Variants in ZDHHC14 observed in about 807,000 individuals in gnomAD.
ZDHHC14 encodes the protein zDHHC palmitoyltransferase 14.
Under a neutral mutation model 47.7 loss-of-function variants are expected in ZDHHC14, and 16 were observed. That is an observed-to-expected ratio of 0.34 (90% confidence interval 0.23 to 0.51). The LOEUF is 0.51. Among genes scored for constraint, ZDHHC14 ranks in the 20% least tolerant of loss-of-function variants. ZDHHC14 has a pLI of 0.97. For synonymous variants in ZDHHC14, 293 were observed against 278.9 expected (o/e 1.05, Z -0.50); for missense variants, 515 against 662.5 (o/e 0.78, Z 2.44).
At chr6:157,542,222 G>T (rs1781792280) in intron 1 of ZDHHC14, among the ~76,000 whole-genome samples, 1 of 152,152 alleles carries the variant, frequency 6.6e-6, no homozygotes, top group Non-Finnish European at 1.5e-5. Flanking sequence ...AGGGCAGGGG[G>T]ATCTCATAGA....
chr6:157,426,439 A>G (rs978325751), intron 1 of ZDHHC14, among the ~76,000 whole-genome samples: 3 of 152,220 alleles, frequency 2.0e-5, no homozygotes, highest in African/African-American at 2.4e-5. Flanking sequence ...ATGCCGCATT[A>G]GGGTCTTAGG....
intron 8 of ZDHHC14, among the ~76,000 whole-genome samples, chr6:157,671,942 C>T (rs57416016): frequency 0.029 from 4,380 of 152,300 alleles, 215 homozygotes; most frequent in African/African-American, 0.099. Flanking sequence ...ACCACTACCA[C>T]CCATCTCCAG....
chr6:157,669,446 CAGAG>C (rs913727820), intron 8 of ZDHHC14, among the ~76,000 whole-genome samples: 1 of 152,130 alleles, frequency 6.6e-6, no homozygotes, highest in Non-Finnish European at 1.5e-5. Flanking sequence ...GTGAAAGAGA[CAGAG>C]AGGGTTGGAA....
rs112522943 is a variant in ZDHHC14 at position 157,553,289 on chromosome 6, C to T, written c.406+10544C>T. 5.4e-3 allele frequency among the ~76,000 whole-genome samples: 823 copies of T among 152,224 alleles called. 11 individuals carry two copies. Among genetic ancestry groups the T allele is most frequent in the African/African-American group, 0.019 (791 of 41,516 alleles). On this transcript the variant is annotated intron_variant, in intron 2 of 8. Coordinates refer to ENST00000359775, the MANE Select transcript of ZDHHC14 (RefSeq NM_024630.3). ...TTGAGGGTGAGGGTTCTGGCTAACT[C>T]GACTCAGCAGGACTTTTGCTAAAAT...
intron 7 of ZDHHC14, among the ~76,000 whole-genome samples, chr6:157,650,975 A>T (rs73584095): frequency 0.15 from 22,907 of 152,040 alleles, 1,878 homozygotes; most frequent in Admixed American, 0.22. Context: ...AGGACCCCCC[A>T]TTGCAGTTCC....
At position 157,502,910 on chromosome 6, in the gene ZDHHC14, C is replaced by T. The variant is rs781668935; in HGVS notation, c.246-39675C>T. ...TTTACCATGTTGCCCAGGCTGGTCT[C>T]GAACTCCTGTCCTCAAGTGATCAAC... On this transcript the variant is annotated intron_variant, in intron 1 of 8. Transcript: ENST00000359775. The surrounding 1 kb of genome is among the most constrained non-coding windows in gnomAD (Gnocchi z 4.0). Among the ~76,000 whole-genome samples the T allele has an allele frequency of 6.6e-6, 1 of 152,096 alleles. No individual in the cohort carries two copies. The highest frequency in any genetic ancestry group is 1.9e-4 in the East Asian group (1 of 5,196).
intron 1 of ZDHHC14, among the ~76,000 whole-genome samples, chr6:157,459,671 C>T (rs552231284): frequency 1.3e-5 from 2 of 152,138 alleles, no homozygotes; most frequent in East Asian, 3.9e-4. Flanking sequence ...GGTGGGGTGG[C>T]CTGTGCGCCC....
intron 1 of ZDHHC14, among the ~76,000 whole-genome samples, chr6:157,451,216 A>G (rs1472278236): frequency 6.6e-6 from 1 of 152,196 alleles, no homozygotes; most frequent in East Asian, 1.9e-4. Context: ...TCTTCCTTTG[A>G]TAAATTTAGC....
intron 1 of ZDHHC14, among the ~76,000 whole-genome samples, chr6:157,472,085 G>T (rs928950291): frequency 6.6e-6 from 1 of 152,100 alleles, no homozygotes; most frequent in African/African-American, 2.4e-5. Flanking sequence ...ACCAACCAAG[G>T]GAGCCTCTGG....
At position 157,531,298 on chromosome 6, in the gene ZDHHC14, C is replaced by T. The variant is rs1044268270; in HGVS notation, c.246-11287C>T. Among the ~76,000 whole-genome samples the T allele has an allele frequency of 2.6e-5, 4 of 152,216 alleles. No homozygotes were observed. In the East Asian group the frequency reaches 7.7e-4, roughly 29 times the overall value. On this transcript the variant is annotated intron_variant, in intron 1 of 8. Transcript: ENST00000359775. ...ACAGCCTACAACGCCCCTGCCCCCC[C>T]CGGACATGCCGTTCCAGAGTCCAGT...
At chr6:157,576,111 A>G (rs1054779664) in intron 2 of ZDHHC14, among the ~76,000 whole-genome samples, 1 of 152,162 alleles carries the variant, frequency 6.6e-6, no homozygotes, top group Non-Finnish European at 1.5e-5. Context: ...AAACTGCCCA[A>G]ATGAGCCCTT....
intron 2 of ZDHHC14, among the ~76,000 whole-genome samples, chr6:157,548,439 G>T (rs945008567): frequency 3.2e-5 from 4 of 126,954 alleles, no homozygotes; most frequent in African/African-American, 1.2e-4. Flanking sequence ...TGTTGTTGTT[G>T]TTTGTTTGTT....
chr6:157,448,725 C>T (rs548072773), intron 1 of ZDHHC14, among the ~76,000 whole-genome samples: 63 of 152,334 alleles, frequency 4.1e-4, no homozygotes, highest in African/African-American at 1.5e-3. Flanking sequence ...CACAGGCGTG[C>T]ACCACCATGC....
rs781020913 is a variant in ZDHHC14 at position 157,673,013 on chromosome 6, C to T, written c.1358C>T (p.Ala453Val). 6 of 1,571,070 alleles carry T rather than the reference C, an allele frequency of 3.8e-6. No homozygotes were observed. The highest frequency in any genetic ancestry group is 2.3e-5 in the South Asian group (2 of 86,612). Residue 453 changes from alanine (A) to valine (V), a missense_variant, in exon 9 of 9, where the codon GCG becomes GTG. Physicochemically the swap from Ala to Val is moderately conservative, Grantham distance 64 (BLOSUM62 0). Transcript: ENST00000359775. The surrounding 1 kb of genome is among the most constrained non-coding windows in gnomAD (Gnocchi z 5.4). ...CCCTCGCCCCCCAGGCTACTGGCGG[C>T]GGGCAGCCCCCTGGCGCACAGCCGC... The part of the protein sequence containing the change: ...EAPSPPRLLA[A>V]GSPLAHSRTM...
chr6:157,418,772 G>A (rs1009628437), intron 1 of ZDHHC14, among the ~76,000 whole-genome samples: 7 of 152,152 alleles, frequency 4.6e-5, no homozygotes, highest in South Asian at 2.1e-4. Context: ...TGAATGTAGC[G>A]CCAAACTTCT....
chr6:157,585,784 C>A (rs767269661), intron 2 of ZDHHC14, among the ~76,000 whole-genome samples: 3 of 152,214 alleles, frequency 2.0e-5, no homozygotes, highest in Admixed American at 1.3e-4. Context: ...CCTGGCCATG[C>A]GAGGTTGGCT....
intron 1 of ZDHHC14, among the ~76,000 whole-genome samples, chr6:157,421,492 CAAAA>C (rs147380621): frequency 3.5e-5 from 2 of 56,714 alleles, no homozygotes. Context: ...GACTCCGTCT[CAAAA>C]AAAAAAAAAA....
At chr6:157,657,286 G>A (rs908449851) in intron 8 of ZDHHC14, among the ~76,000 whole-genome samples, 3 of 152,160 alleles carry the variant, frequency 2.0e-5, no homozygotes, top group African/African-American at 2.4e-5. Flanking sequence ...GACCTCAAGC[G>A]ATCCACCTGC....
intron 4 of ZDHHC14, chr6:157,631,067 C>T (rs1211920168): frequency 6.6e-6 from 1 of 152,260 alleles, no homozygotes; most frequent in African/African-American, 2.4e-5. Context: ...CTTATACACC[C>T]ACACTCACAC....
Sources: allele counts gnomAD v4.1 joint callset (sites outside exome capture counted in the v4.1 genomes callset), GRCh38; gene constraint gnomAD v4.1.1; non-coding constraint Gnocchi (gnomAD v3.1); transcripts MANE v1.5; gene names NCBI Gene and HGNC (gene_info 2026-07-23, HGNC 2026-07-21).